MCU: variants seen among roughly 807,000 people sequenced by gnomAD.
MCU encodes mitochondrial calcium uniporter, also known as calcium uniporter protein, mitochondrial.
In MCU, 12 loss-of-function variants were observed where a neutral mutation model predicts 45.2. The ratio of observed to expected loss-of-function variants is 0.27; its 90% CI spans 0.17 to 0.43. The LOEUF (loss-of-function observed/expected upper bound fraction) is 0.43. Ranked by LOEUF, MCU falls within the 20% of genes least tolerant of loss-of-function variation. The pLI, the probability that MCU is intolerant of heterozygous loss-of-function variation, is 1.00. For synonymous variants in MCU, 160 were observed against 165.1 expected, an observed-to-expected ratio of 0.97 and a Z score of 0.24; for missense variants, 324 against 436.7, an observed-to-expected ratio of 0.74 and a Z score of 2.30.
At chr10:72,846,005 C>A (rs1845116435) in intron 2 of MCU, among the ~76,000 whole-genome samples, 1 of 152,100 alleles carries the variant, frequency 6.6e-6, no homozygotes, top group African/African-American at 2.4e-5. Flanking sequence ...TACCCACAGG[C>A]AACCGCAGTC....
At chr10:72,812,281 G>C (rs577038942) in intron 1 of MCU, among the ~76,000 whole-genome samples, 1 of 152,072 alleles carries the variant, frequency 6.6e-6, no homozygotes, top group Non-Finnish European at 1.5e-5. Flanking sequence ...GAGTAGCTGG[G>C]ATTGCAGACA....
At chr10:72,844,856 G>C (rs995164173) in intron 2 of MCU, among the ~76,000 whole-genome samples, 1 of 152,064 alleles carries the variant, frequency 6.6e-6, no homozygotes, top group East Asian at 1.9e-4. Context: ...ACATAAGATA[G>C]GAATAAATGC....
intron 1 of MCU, chr10:72,715,914 T>C: frequency 1.0e-6 from 1 of 984,154 alleles, no homozygotes; most frequent in Non-Finnish European, 1.2e-6. Context: ...TATGTGAAGA[T>C]CATGATTCAT....
At chr10:72,822,413 C>T (rs1244004517) in intron 1 of MCU, among the ~76,000 whole-genome samples, 1 of 152,162 alleles carries the variant, frequency 6.6e-6, no homozygotes, top group Non-Finnish European at 1.5e-5. Context: ...TTCTGAACAA[C>T]TTTATGTCAA....
At chr10:72,805,157 T>TTCTTTCTTTCTTTCTTTCTTTCTG (rs1564562326) in intron 1 of MCU, among the ~76,000 whole-genome samples, 1 of 137,914 alleles carries the variant, frequency 7.3e-6, no homozygotes, top group African/African-American at 3.1e-5. Flanking sequence ...CTTTCTTTCT[T>TTCTTTCTTTCTTTCTTTCTTTCTG]TCTGTCTCTC....
intron 2 of MCU, among the ~76,000 whole-genome samples, chr10:72,845,938 A>G (rs934557698): frequency 6.6e-6 from 1 of 152,180 alleles, no homozygotes; most frequent in African/African-American, 2.4e-5. Context: ...GATCCTTTAT[A>G]TATAGGAGTC....
intron 6 of MCU, among the ~76,000 whole-genome samples, chr10:72,883,462 G>C (rs1270071252): frequency 6.6e-6 from 1 of 152,134 alleles, no homozygotes; most frequent in Non-Finnish European, 1.5e-5. Flanking sequence ...GCAATATCAA[G>C]TATTGGCAAG....
chr10:72,723,581 C>A (rs988824689), intron 1 of MCU, among the ~76,000 whole-genome samples: 1 of 152,054 alleles, frequency 6.6e-6, no homozygotes, highest in Non-Finnish European at 1.5e-5. Flanking sequence ...AACTTACCAT[C>A]GAAGATGACT....
chr10:72,704,468 T>C (rs1842794328), intron 1 of MCU, among the ~76,000 whole-genome samples: 1 of 152,168 alleles, frequency 6.6e-6, no homozygotes, highest in African/African-American at 2.4e-5. Flanking sequence ...TATTTAAAAC[T>C]GTACTGACCT....
At position 72,732,764 on chromosome 10, in the gene MCU, G is replaced by A. The variant is rs1350581585; in HGVS notation, c.150+40463G>A. Among the ~76,000 whole-genome samples, 4 of 152,162 alleles carry A rather than the reference G, an allele frequency of 2.6e-5. No individual in the cohort carries two copies. In the East Asian group the frequency reaches 7.7e-4, roughly 29 times the overall value. On this transcript the variant is annotated intron_variant, in intron 1 of 7. Transcript: ENST00000373053. The stretch of plus-strand genomic sequence containing the variant: ...TATTTGTTTTACCTTTCCTCACCAG[G>A]AATTTGGGTTTAAAGAATTCACAGT...
At chr10:72,805,601 G>A (rs753353521) in intron 1 of MCU, among the ~76,000 whole-genome samples, 1 of 152,050 alleles carries the variant, frequency 6.6e-6, no homozygotes, top group Non-Finnish European at 1.5e-5. Flanking sequence ...GTGTCAATGA[G>A]AACCCAATCC....
At chr10:72,783,123 T>G (rs1413757118) in intron 1 of MCU, among the ~76,000 whole-genome samples, 3 of 152,228 alleles carry the variant, frequency 2.0e-5, no homozygotes, top group Non-Finnish European at 2.9e-5. Flanking sequence ...CTTCATTGAA[T>G]AGTTTGAATG....
intron 1 of MCU, among the ~76,000 whole-genome samples, chr10:72,821,548 C>G (rs1010690787): frequency 6.6e-6 from 1 of 152,054 alleles, no homozygotes; most frequent in African/African-American, 2.4e-5. Flanking sequence ...ATCTCCTCAT[C>G]AAAAGGAAAC....
chr10:72,798,061 T>A (rs923668826), intron 1 of MCU, among the ~76,000 whole-genome samples: 2 of 152,156 alleles, frequency 1.3e-5, no homozygotes, highest in Admixed American at 6.5e-5. Context: ...GGTTCAAAAA[T>A]TTTTTAATTA....
intron 1 of MCU, among the ~76,000 whole-genome samples, chr10:72,743,916 A>G (rs1398844235): frequency 1.3e-5 from 2 of 152,172 alleles, no homozygotes; most frequent in East Asian, 1.9e-4. Flanking sequence ...GTTCTATAGT[A>G]TAACTAAACT....
chr10:72,759,049 G>A (rs1330928346), intron 1 of MCU, among the ~76,000 whole-genome samples: 1 of 152,092 alleles, frequency 6.6e-6, no homozygotes, highest in African/African-American at 2.4e-5. Flanking sequence ...TGTCTGTTCC[G>A]CAAGTCTGCA....
At chr10:72,748,827 T>G (rs955753322) in intron 1 of MCU, among the ~76,000 whole-genome samples, 1 of 152,204 alleles carries the variant, frequency 6.6e-6, no homozygotes, top group East Asian at 1.9e-4. Context: ...TCCTTGACAG[T>G]GGTATTACTT....
At chr10:72,860,263 C>T in intron 3 of MCU, 160 bp from the exon 4 acceptor site, 1 of 597,766 alleles carries the variant, frequency 1.7e-6, no homozygotes, top group East Asian at 2.9e-5. Context: ...AAAAACAGAG[C>T]TTCAACCTAA....
chr10:72,850,640 A>G (rs2132856532), intron 2 of MCU, among the ~76,000 whole-genome samples: 1 of 152,274 alleles, frequency 6.6e-6, no homozygotes, highest in Admixed American at 6.5e-5. Flanking sequence ...TTCCTTCTTC[A>G]AATGCAATTG....
Sources: gnomAD v4.1 joint callset for allele counts (sites outside exome capture counted in the v4.1 genomes callset) on GRCh38, gnomAD v4.1.1 for gene constraint, MANE v1.5 for transcripts, NCBI Gene and HGNC (gene_info 2026-07-23, HGNC 2026-07-21) for gene names.